HECW2: variants seen among roughly 807,000 people sequenced by gnomAD.
The protein encoded by HECW2 is HECT, C2 and WW domain containing E3 ubiquitin protein ligase 2.
HECW2 carries 61 observed loss-of-function variants against 175.2 expected under a neutral mutation model. That is an observed-to-expected ratio of 0.35 (90% confidence interval 0.28 to 0.43). HECW2 has a LOEUF of 0.43. Ranked by LOEUF, HECW2 falls within the 20% of genes least tolerant of loss-of-function variation. The pLI is 1.00. For missense variants in HECW2, 1,524 were observed against 2,000.5 expected, an observed-to-expected ratio of 0.76 and a Z score of 4.54; for synonymous variants, 671 against 731.0, an observed-to-expected ratio of 0.92 and a Z score of 1.32.
At chr2:196,315,601 C>T (rs141969291) in intron 10 of HECW2, among the ~76,000 whole-genome samples, 60 of 152,208 alleles carry the variant, frequency 3.9e-4, no homozygotes, top group African/African-American at 1.4e-3. Context: ...ACTAAGTTGC[C>T]TTTACTTTTG....
chr2:196,255,516 T>C (rs991581334), intron 18 of HECW2, among the ~76,000 whole-genome samples: 1 of 152,182 alleles, frequency 6.6e-6, no homozygotes, highest in Non-Finnish European at 1.5e-5. Context: ...AACAAGGTCA[T>C]TTAAAAATTA....
intron 1 of HECW2, among the ~76,000 whole-genome samples, chr2:196,539,230 TG>T (rs2125462808): frequency 6.6e-6 from 1 of 152,260 alleles, no homozygotes; most frequent in South Asian, 2.1e-4. Context: ...TTTACAAACC[TG>T]TGAAATGAGG....
chr2:196,414,974 A>G (rs774344904), intron 2 of HECW2, among the ~76,000 whole-genome samples: 1 of 152,144 alleles, frequency 6.6e-6, no homozygotes, highest in Non-Finnish European at 1.5e-5. Flanking sequence ...GACTTAAGGT[A>G]GAGGGAAGTA....
At chr2:196,355,374 T>C (rs1693326677) in intron 2 of HECW2, among the ~76,000 whole-genome samples, 1 of 152,230 alleles carries the variant, frequency 6.6e-6, no homozygotes, top group Admixed American at 6.5e-5. Flanking sequence ...CAGCATTTGG[T>C]AGCTCGGTAA....
At chr2:196,326,266 TGCCCATA>T (rs1692146339) in intron 5 of HECW2, among the ~76,000 whole-genome samples, 2 of 152,124 alleles carry the variant, frequency 1.3e-5, no homozygotes. Context: ...GGCCTGAAAT[TGCCCATA>T]GAACCGTATT....
chr2:196,512,445 G>A (rs986593412), intron 1 of HECW2, among the ~76,000 whole-genome samples: 3 of 152,104 alleles, frequency 2.0e-5, no homozygotes, highest in Non-Finnish European at 4.4e-5. Context: ...AGGTTGGAGT[G>A]CAGTGGCATG....
intron 19 of HECW2, among the ~76,000 whole-genome samples, chr2:196,252,178 A>AAATAATAATAATAATAATAAT (rs10666310): frequency 1.3e-3 from 167 of 133,238 alleles, no homozygotes; most frequent in Middle Eastern, 7.4e-3. Context: ...CTCCGATTCA[A>AAATAATAATAATAATAATAAT]AATAATAATA....
chr2:196,519,644 G>A (rs183282444), intron 1 of HECW2, among the ~76,000 whole-genome samples: 2 of 152,152 alleles, frequency 1.3e-5, no homozygotes, highest in African/African-American at 4.8e-5. Context: ...AGTTGGAGAA[G>A]GATAAATGCA....
Position 196,319,330 on chromosome 2 carries a change from T to C in HECW2, c.1560A>G (p.Thr520=), listed in dbSNP as rs1175613173. 1 of 1,613,984 alleles carries C rather than the reference T, an allele frequency of 6.2e-7. No homozygotes were observed. The highest frequency in any genetic ancestry group is 8.5e-7 in the Non-Finnish European group (1 of 1,180,010). Reference sequence around the variant, plus strand: ...TATCCTCAAAGGAAGCAGCTTCGTGTGTGGAGGCTTCCTCATTCTCAACAG... The same window carrying C: ...TATCCTCAAAGGAAGCAGCTTCGTGCGTGGAGGCTTCCTCATTCTCAACAG... ...DNPVENEEAS[T]HEAASFEDKP... Residue 520 remains threonine, a synonymous_variant, in exon 9 of 29, where the codon ACA becomes ACG. Coordinates refer to ENST00000644978, the MANE Select transcript of HECW2 (RefSeq NM_001348768.2).
chr2:196,278,472 C>A, intron 15 of HECW2, 56 bp downstream of exon 15: 1 of 1,541,364 alleles, frequency 6.5e-7, no homozygotes, highest in Non-Finnish European at 8.9e-7. Flanking sequence ...CTCAAACCAT[C>A]ACATACTAGA....
At chr2:196,270,449 G>C (rs570914227) in intron 17 of HECW2, among the ~76,000 whole-genome samples, 5 of 152,314 alleles carry the variant, frequency 3.3e-5, no homozygotes, top group African/African-American at 1.2e-4. Context: ...CTCAGTTTTA[G>C]AGAATATCAG....
intron 2 of HECW2, among the ~76,000 whole-genome samples, chr2:196,386,529 T>G (rs11902313): frequency 0.062 from 9,447 of 152,262 alleles, 450 homozygotes; most frequent in African/African-American, 0.12. Context: ...TTGAATTAGC[T>G]TTTCACTGCT....
intron 1 of HECW2, among the ~76,000 whole-genome samples, chr2:196,542,279 A>G (rs2125468346): frequency 6.6e-6 from 1 of 151,994 alleles, no homozygotes; most frequent in South Asian, 2.1e-4. Flanking sequence ...AAAAAAAAAA[A>G]AAAGACAAAG....
Position 196,253,901 on chromosome 2 carries a change from G to C in HECW2, c.3529+19C>G. On this transcript the variant is annotated intron_variant, in intron 19 of 28. Coordinates refer to ENST00000644978, the MANE Select transcript of HECW2 (RefSeq NM_001348768.2). Reference sequence around the variant, plus strand: ...GTTCACTCCTCAGAGAATTCACTGTGAGCAGCAGGTGGACTCACCTGGCGA... The same window carrying C: ...GTTCACTCCTCAGAGAATTCACTGTCAGCAGCAGGTGGACTCACCTGGCGA... 1 of 1,610,200 alleles carries C rather than the reference G, an allele frequency of 6.2e-7. No homozygotes were observed. Among genetic ancestry groups the C allele is most frequent in the East Asian group, 2.2e-5 (1 of 44,848 alleles).
chr2:196,379,147 G>A (rs1277865273), intron 2 of HECW2, among the ~76,000 whole-genome samples: 1 of 151,728 alleles, frequency 6.6e-6, no homozygotes, highest in Non-Finnish European at 1.5e-5. Flanking sequence ...CACTGGCACT[G>A]TGAAAAATGA....
At chr2:196,254,412 TC>T (rs1688971709) in intron 18 of HECW2, among the ~76,000 whole-genome samples, 1 of 152,196 alleles carries the variant, frequency 6.6e-6, no homozygotes. Flanking sequence ...ATATCCTCAT[TC>T]CAAGAAATAA....
intron 2 of HECW2, among the ~76,000 whole-genome samples, chr2:196,395,872 C>T (rs1187862044): frequency 1.3e-5 from 2 of 152,260 alleles, no homozygotes; most frequent in South Asian, 4.1e-4. Context: ...AGCTATTCTA[C>T]TTCTGGGTAT....
At chr2:196,533,869 A>T (rs1688927387) in intron 1 of HECW2, among the ~76,000 whole-genome samples, 1 of 152,334 alleles carries the variant, frequency 6.6e-6, no homozygotes, top group Non-Finnish European at 1.5e-5. Flanking sequence ...TAGGACTAAA[A>T]TATAATACTA....
chr2:196,450,789 A>G (rs1349180708), intron 1 of HECW2, among the ~76,000 whole-genome samples: 1 of 152,076 alleles, frequency 6.6e-6, no homozygotes, highest in Non-Finnish European at 1.5e-5. Flanking sequence ...CCCAAATATC[A>G]GGTTTTTAAC....
Sources: gnomAD v4.1 joint callset for allele counts (sites outside exome capture counted in the v4.1 genomes callset) on GRCh38, gnomAD v4.1.1 for gene constraint, MANE v1.5 for transcripts, NCBI Gene and HGNC (gene_info 2026-07-23, HGNC 2026-07-21) for gene names.